PTPRD: variants seen among roughly 807,000 people sequenced by gnomAD.
PTPRD encodes the protein receptor-type tyrosine-protein phosphatase delta.
A neutral mutation model predicts 214.5 loss-of-function variants in PTPRD; 34 were observed. The observed-to-expected ratio is 0.16, with a 90% CI of 0.12 to 0.21. The LOEUF (loss-of-function observed/expected upper bound fraction) is 0.21, where lower values mean the gene tolerates loss of function less well. Ranked by LOEUF, PTPRD falls within the 10% of genes least tolerant of loss-of-function variation. PTPRD has a pLI of 1.00. For synonymous variants in PTPRD, 1,128 were observed against 845.7 expected (o/e 1.33, Z -5.79); for missense variants, 2,545 against 2,398.7 (o/e 1.06, Z -1.27).
At chr9:8,514,525 G>GT (rs61389121) in intron 21 of PTPRD, among the ~76,000 whole-genome samples, 28,757 of 136,486 alleles carry the variant, frequency 0.21, 2,935 homozygotes, top group East Asian at 0.29. Flanking sequence ...GATAAACTTA[G>GT]TTTTTTTTTT....
At chr9:8,330,292 C>G (rs1247754433) in intron 44 of PTPRD, among the ~76,000 whole-genome samples, 2 of 152,264 alleles carry the variant, frequency 1.3e-5, no homozygotes, top group East Asian at 3.9e-4. Flanking sequence ...AACAGCAGAC[C>G]AGAGCTATTC....
At chr9:8,405,026 A>T (rs1037935159) in intron 35 of PTPRD, among the ~76,000 whole-genome samples, 3 of 152,136 alleles carry the variant, frequency 2.0e-5, no homozygotes, top group Admixed American at 1.3e-4. Context: ...TTTTATATTG[A>T]TTATTCTTCC....
intron 8 of PTPRD, among the ~76,000 whole-genome samples, chr9:9,535,378 A>G (rs1159179134): frequency 6.6e-6 from 1 of 152,122 alleles, no homozygotes; most frequent in Non-Finnish European, 1.5e-5. Context: ...AGACAGCATA[A>G]CACATGAACT....
intron 2 of PTPRD, among the ~76,000 whole-genome samples, chr9:10,580,812 T>A (rs1359578124): frequency 6.6e-6 from 1 of 152,180 alleles, no homozygotes; most frequent in East Asian, 1.9e-4. Flanking sequence ...CTTAAATAAA[T>A]TTTTATTTCA....
intron 5 of PTPRD, among the ~76,000 whole-genome samples, chr9:9,796,646 G>C (rs369685822): frequency 3.3e-5 from 5 of 152,004 alleles, no homozygotes; most frequent in African/African-American, 1.2e-4. Context: ...GAAAAAACAA[G>C]CAAAAATTGC....
intron 9 of PTPRD, among the ~76,000 whole-genome samples, chr9:9,348,953 T>C (rs567339783): frequency 1.3e-5 from 2 of 152,222 alleles, no homozygotes; most frequent in South Asian, 4.1e-4. Context: ...TAAACCTATT[T>C]TAATAGGAAG....
chr9:9,084,205 T>C (rs1283146848), intron 10 of PTPRD, among the ~76,000 whole-genome samples: 1 of 152,172 alleles, frequency 6.6e-6, no homozygotes, highest in Non-Finnish European at 1.5e-5. Flanking sequence ...ATTTACACCA[T>C]GGAATACTAT....
intron 5 of PTPRD, among the ~76,000 whole-genome samples, chr9:9,930,391 G>A (rs1219891671): frequency 1.3e-5 from 2 of 152,198 alleles, no homozygotes; most frequent in African/African-American, 4.8e-5. Flanking sequence ...AGAGAAGTCT[G>A]AGAAAGAGAC....
intron 14 of PTPRD, among the ~76,000 whole-genome samples, chr9:8,577,268 T>C (rs140241636): frequency 0.049 from 7,437 of 151,882 alleles, 280 homozygotes; most frequent in Non-Finnish European, 0.069. Context: ...TATTTATTTA[T>C]TTTGAGATGG....
At chr9:9,649,797 C>T (rs1015170635) in intron 7 of PTPRD, among the ~76,000 whole-genome samples, 32 of 152,228 alleles carry the variant, frequency 2.1e-4, no homozygotes, top group Non-Finnish European at 2.9e-5. Flanking sequence ...AAATTTAAGA[C>T]AAAACTTAAG....
At chr9:10,151,256 C>CTTTTTTTTTTTTTTT (rs71321228) in intron 3 of PTPRD, among the ~76,000 whole-genome samples, 2 of 12,384 alleles carry the variant, frequency 1.6e-4, no homozygotes, top group Non-Finnish European at 3.0e-4. Context: ...TTTTTGTTAA[C>CTTTTTTTTTTTTTTT]TTTTTTTTTT....
chr9:10,143,946 AGGT>A (rs2099005437), intron 3 of PTPRD, among the ~76,000 whole-genome samples: 1 of 152,076 alleles, frequency 6.6e-6, no homozygotes, highest in South Asian at 2.1e-4. Context: ...ACTACCTATT[AGGT>A]ACAATGCTCA....
At chr9:10,576,224 G>A (rs560315843) in intron 2 of PTPRD, among the ~76,000 whole-genome samples, 1 of 152,202 alleles carries the variant, frequency 6.6e-6, no homozygotes, top group Non-Finnish European at 1.5e-5. Context: ...ATCATAAGTT[G>A]TAACAGTCTA....
chr9:8,933,363 T>TTTTTTTTTTTTTTTTTTTC (rs2098967754), intron 11 of PTPRD, among the ~76,000 whole-genome samples: 1 of 147,316 alleles, frequency 6.8e-6, no homozygotes. Flanking sequence ...TTTTTTTTTT[T>TTTTTTTTTTTTTTTTTTTC]ACATAAAAGG....
At chr9:9,701,381 A>T (rs1426201455) in intron 7 of PTPRD, among the ~76,000 whole-genome samples, 2 of 152,218 alleles carry the variant, frequency 1.3e-5, no homozygotes, top group Non-Finnish European at 2.9e-5. Flanking sequence ...TGTGAACTGG[A>T]AGCAGAGAAA....
At chr9:9,782,212 A>G (rs2098851394) in intron 5 of PTPRD, among the ~76,000 whole-genome samples, 1 of 152,158 alleles carries the variant, frequency 6.6e-6, no homozygotes, top group East Asian at 1.9e-4. Flanking sequence ...GTGTATATGT[A>G]TGCATGAACA....
intron 11 of PTPRD, among the ~76,000 whole-genome samples, chr9:8,793,999 A>G (rs769319985): frequency 6.6e-6 from 1 of 152,178 alleles, no homozygotes; most frequent in Non-Finnish European, 1.5e-5. Flanking sequence ...TGTGATATTG[A>G]TATAGAGTAC....
chr9:9,797,656 A>G (rs545449280), intron 5 of PTPRD, among the ~76,000 whole-genome samples: 1 of 151,962 alleles, frequency 6.6e-6, no homozygotes, highest in East Asian at 1.9e-4. Context: ...GTCCAGCCTG[A>G]CCAATATGGT....
chr9:9,683,215 C>T (rs1325007314), intron 7 of PTPRD, among the ~76,000 whole-genome samples: 1 of 151,624 alleles, frequency 6.6e-6, no homozygotes, highest in Non-Finnish European at 1.5e-5. Context: ...AGTTAAGTGA[C>T]CTGTTGTTAA....
Sources: allele counts gnomAD v4.1 joint callset (sites outside exome capture counted in the v4.1 genomes callset), GRCh38; gene constraint gnomAD v4.1.1; transcripts MANE v1.5; gene names NCBI Gene and HGNC (gene_info 2026-07-23, HGNC 2026-07-21).